CDH10: variants seen among roughly 807,000 people sequenced by gnomAD.
CDH10 encodes cadherin-10.
A neutral mutation model predicts 73.1 loss-of-function variants in CDH10; 30 were observed. The ratio of observed to expected loss-of-function variants is 0.41; its 90% CI spans 0.31 to 0.56. The LOEUF (loss-of-function observed/expected upper bound fraction) is 0.56. Ranked by LOEUF, CDH10 falls within the 20% of genes least tolerant of loss-of-function variation. The pLI, the probability that CDH10 is intolerant of heterozygous loss-of-function variation, is 0.27. For missense variants in CDH10, 815 were observed against 973.7 expected (o/e 0.84, Z 2.17); for synonymous variants, 345 against 348.2 (o/e 0.99, Z 0.10).
chr5:24,570,240 C>T (rs1745328339), intron 2 of CDH10, among the ~76,000 whole-genome samples: 1 of 152,030 alleles, frequency 6.6e-6, no homozygotes, highest in African/African-American at 2.4e-5. Context: ...AAGTTAAAGA[C>T]AAGAAGAAAC....
At chr5:24,608,022 T>G (rs964526319) in intron 1 of CDH10, among the ~76,000 whole-genome samples, 1 of 152,206 alleles carries the variant, frequency 6.6e-6, no homozygotes, top group Non-Finnish European at 1.5e-5. Flanking sequence ...TACTGAAATA[T>G]CCTTGGCTAG....
At chr5:24,545,135 A>G (rs910558732) in intron 2 of CDH10, among the ~76,000 whole-genome samples, 2 of 152,160 alleles carry the variant, frequency 1.3e-5, no homozygotes, top group African/African-American at 2.4e-5. Context: ...GAGAAAGTTC[A>G]TATTATTTTA....
At chr5:24,560,474 A>C (rs1744919444) in intron 2 of CDH10, among the ~76,000 whole-genome samples, 1 of 62,910 alleles carries the variant, frequency 1.6e-5, no homozygotes, top group African/African-American at 5.9e-5. Context: ...TTTTTGATAG[A>C]AACTATTGTG....
chr5:24,593,937 A>T (rs1393265368), intron 1 of CDH10, among the ~76,000 whole-genome samples: 1 of 151,866 alleles, frequency 6.6e-6, no homozygotes, highest in Non-Finnish European at 1.5e-5. Context: ...CTGCATGTCA[A>T]TTTTTTCAGA....
chr5:24,512,569 T>C (rs373933278), intron 5 of CDH10, among the ~76,000 whole-genome samples: 7 of 152,304 alleles, frequency 4.6e-5, no homozygotes, highest in East Asian at 3.9e-4. Flanking sequence ...GGAAAAAATA[T>C]ATAGATGCCC....
At chr5:24,594,345 TACTG>T in intron 1 of CDH10, among the ~76,000 whole-genome samples, 1 of 152,058 alleles carries the variant, frequency 6.6e-6, no homozygotes, top group Non-Finnish European at 1.5e-5. Context: ...GGTAACAGCC[TACTG>T]ACTGTTCTCT....
At chr5:24,601,671 G>T (rs1022454823) in intron 1 of CDH10, among the ~76,000 whole-genome samples, 10 of 151,942 alleles carry the variant, frequency 6.6e-5, no homozygotes, top group Non-Finnish European at 1.5e-4. Context: ...TTGATATGTT[G>T]AATTTTAAGT....
chr5:24,554,432 T>C (rs1744684051), intron 2 of CDH10, among the ~76,000 whole-genome samples: 1 of 152,058 alleles, frequency 6.6e-6, no homozygotes. Context: ...TTATTTTCTC[T>C]GCATATTCTC....
intron 1 of CDH10, among the ~76,000 whole-genome samples, chr5:24,597,325 G>A (rs184764461): frequency 3.9e-5 from 6 of 152,116 alleles, no homozygotes; most frequent in African/African-American, 1.2e-4. Context: ...TGCCAATGCA[G>A]GCGGACCATG....
rs2111894266 is a variant in CDH10, at chr5:24,537,487, A to G, written c.419T>C (p.Val140Ala). ...QAINRRTLRPVEPESEFVIKI... is the reference protein window; with the variant it reads ...QAINRRTLRPAEPESEFVIKI... The stretch of plus-strand genomic sequence containing the variant: ...GATCACAAACTCTGACTCTGGCTCT[A>G]CTGGCCTCAGAGTTCTTCTGTTAAT... Residue 140 changes from valine (V) to alanine (A), a missense_variant, in exon 3 of 12, where the codon GTA becomes GCA. Val to Ala is a moderately conservative substitution (Grantham distance 64, BLOSUM62 0). Transcript: ENST00000264463. 2 of 1,612,870 alleles carry G rather than the reference A, an allele frequency of 1.2e-6. No individual in the cohort carries two copies. Among genetic ancestry groups the G allele is most frequent in the Non-Finnish European group, 1.7e-6 (2 of 1,179,042 alleles).
At chr5:24,633,504 A>T (rs1484705810) in intron 1 of CDH10, among the ~76,000 whole-genome samples, 2 of 151,918 alleles carry the variant, frequency 1.3e-5, no homozygotes, top group Non-Finnish European at 1.5e-5. Flanking sequence ...CAGCATATTT[A>T]CATTTAAGTT....
At chr5:24,512,427 C>T (rs1174188500) in intron 5 of CDH10, among the ~76,000 whole-genome samples, 2 of 152,164 alleles carry the variant, frequency 1.3e-5, no homozygotes, top group East Asian at 3.9e-4. Context: ...TTTTACTATG[C>T]TATATTTAGT....
chr5:24,495,582 C>T (rs1025975438), intron 9 of CDH10, among the ~76,000 whole-genome samples: 1 of 152,098 alleles, frequency 6.6e-6, no homozygotes, highest in African/African-American at 2.4e-5. Context: ...GGCGCCGTGG[C>T]TCACGCCTGT....
intron 2 of CDH10, among the ~76,000 whole-genome samples, chr5:24,554,607 T>C (rs1744701095): frequency 6.6e-6 from 1 of 152,134 alleles, no homozygotes; most frequent in Non-Finnish European, 1.5e-5. Flanking sequence ...CTAATATTTT[T>C]TTCTCAGAAA....
At position 24,550,186 on chromosome 5, in the gene CDH10, G is replaced by A. The variant is rs186390989; in HGVS notation, c.232-12512C>T. Reference sequence around the variant, plus strand: ...GAAAATAATACATAGAAGAAAAGGGGGCAAATGTTTAAAGTATTCTAAATT... The same window carrying A: ...GAAAATAATACATAGAAGAAAAGGGAGCAAATGTTTAAAGTATTCTAAATT... On this transcript the variant is annotated intron_variant, in intron 2 of 11. Transcript: ENST00000264463. Among the ~76,000 whole-genome samples, 781 of 151,978 alleles carry A rather than the reference G, an allele frequency of 5.1e-3. 3 individuals carry two copies. Among genetic ancestry groups the A allele is most frequent in the Middle Eastern group, 0.027 (8 of 294 alleles).
chr5:24,583,644 TTTTG>T (rs531482477), intron 2 of CDH10, among the ~76,000 whole-genome samples: 66 of 152,278 alleles, frequency 4.3e-4, no homozygotes, highest in African/African-American at 1.3e-3. Context: ...GAATATTCTT[TTTTG>T]TTTGTTTGTT....
chr5:24,487,623 G>C lies in CDH10; in HGVS notation c.*40C>G, dbSNP rs2111596969. On this transcript the variant is annotated 3_prime_UTR_variant, in exon 12 of 12. Coordinates refer to ENST00000264463, the MANE Select transcript of CDH10 (RefSeq NM_006727.5). ...TTGTGAAGTGGAGACAGCATGGGTA[G>C]AGTTACTTTCTCTTGTTTGAACAGA... is the stretch of plus-strand genomic sequence containing the variant. 1 of 1,553,678 alleles carries C rather than the reference G, an allele frequency of 6.4e-7. No homozygotes were observed. The highest frequency in any genetic ancestry group is 8.7e-7 in the Non-Finnish European group (1 of 1,146,480).
chr5:24,498,504 G>T lies in CDH10; in HGVS notation c.1409C>A (p.Thr470Lys). 1 of 1,601,826 alleles carries T rather than the reference G, an allele frequency of 6.2e-7. No homozygotes were observed. The highest frequency in any genetic ancestry group is 8.6e-7 in the Non-Finnish European group (1 of 1,169,350). The stretch of plus-strand genomic sequence containing the variant: ...TCTCACAAAAACAGCCACGCGTGTT[G>T]TCTCTTTGGGATTGTCTGGAAAAGG... ...IAAEINNPKE[T>K]TRVAVFVRIL... The change falls in exon 9 of 12, where the codon ACA (threonine) becomes AAA (lysine). Residue 470 changes from threonine to lysine, a missense_variant. Transcript: ENST00000264463.
chr5:24,643,019 T>C (rs563438333), intron 1 of CDH10, among the ~76,000 whole-genome samples: 30 of 152,018 alleles, frequency 2.0e-4, no homozygotes, highest in Non-Finnish European at 4.0e-4. Context: ...TATATTTTTA[T>C]CATCAGAATG....
Sources: gnomAD v4.1 joint callset for allele counts (sites outside exome capture counted in the v4.1 genomes callset) on GRCh38, gnomAD v4.1.1 for gene constraint, MANE v1.5 for transcripts, NCBI Gene and HGNC (gene_info 2026-07-23, HGNC 2026-07-21) for gene names.